The following RAB3B variants were observed in gnomAD, a reference collection of about 807,000 sequenced individuals.
RAB3B encodes the protein RAB3B, member RAS oncogene family.
Under a neutral mutation model 20.5 loss-of-function variants are expected in RAB3B, and 11 were observed. The observed-to-expected ratio is 0.54, with a 90% confidence interval of 0.34 to 0.89. The LOEUF (loss-of-function observed/expected upper bound fraction) is 0.89, where lower values mean the gene tolerates loss of function less well. Ranked by LOEUF, RAB3B falls within the 40% of genes least tolerant of loss-of-function variation. RAB3B has a pLI of 0.02. For synonymous variants in RAB3B, 99 were observed against 106.3 expected, an observed-to-expected ratio of 0.93 and a Z score of 0.42; for missense variants, 225 against 280.9, an observed-to-expected ratio of 0.80 and a Z score of 1.42.
intron 1 of RAB3B, among the ~76,000 whole-genome samples, chr1:51,987,845 G>A (rs1440029994): frequency 6.6e-6 from 1 of 152,016 alleles, no homozygotes; most frequent in African/African-American, 2.4e-5. Flanking sequence ...TGAATATACA[G>A]ACTTCACCTC....
In RAB3B at chr1:51,920,089, T is replaced by C; in HGVS notation, c.498A>G (p.Ala166=). ...CCTGCCTTACACTGATGTTCTCCTT[T>C]GCACTGGCTTCAAAGAAATCAAACC... ...QLGFDFFEAS[A]KENISVRQAF... The change falls in exon 5 of 5, where the codon GCA becomes GCG. Residue 166 remains alanine (A), a synonymous_variant. Transcript: ENST00000371655. The C allele has an allele frequency of 6.2e-7, 1 of 1,612,392 alleles. No homozygotes were observed. Among genetic ancestry groups the C allele is most frequent in the Non-Finnish European group, 8.5e-7 (1 of 1,178,870 alleles).
At chr1:51,957,132 A>G (rs1013963791) in intron 2 of RAB3B, among the ~76,000 whole-genome samples, 1 of 152,246 alleles carries the variant, frequency 6.6e-6, no homozygotes, top group African/African-American at 2.4e-5. Context: ...AATCTGTAGC[A>G]GCACAACTGG....
intron 2 of RAB3B, among the ~76,000 whole-genome samples, chr1:51,974,431 C>T (rs1684980629): frequency 1.3e-5 from 2 of 152,190 alleles, no homozygotes; most frequent in African/African-American, 2.4e-5. Flanking sequence ...TGAAAATTTG[C>T]ATTTCTAACA....
intron 1 of RAB3B, among the ~76,000 whole-genome samples, chr1:51,983,636 AT>A (rs1483094180): frequency 6.6e-6 from 1 of 152,128 alleles, no homozygotes; most frequent in Non-Finnish European, 1.5e-5. Context: ...TACTACAAAA[AT>A]TTAGTAGTAC....
intron 2 of RAB3B, among the ~76,000 whole-genome samples, chr1:51,960,928 G>T (rs1684776374): frequency 6.6e-6 from 1 of 152,166 alleles, no homozygotes; most frequent in Non-Finnish European, 1.5e-5. Context: ...CACCTAATAT[G>T]TTACAGGCTC....
chr1:51,924,929 T>G (rs777582923), intron 4 of RAB3B, among the ~76,000 whole-genome samples: 2 of 152,174 alleles, frequency 1.3e-5, no homozygotes, highest in Non-Finnish European at 2.9e-5. Context: ...TTTCTTCTCC[T>G]AATTGGCTTC....
intron 1 of RAB3B, among the ~76,000 whole-genome samples, chr1:51,987,158 G>T (rs921759807): frequency 1.3e-5 from 2 of 152,198 alleles, no homozygotes; most frequent in Admixed American, 6.5e-5. Context: ...ACCTAAGGAA[G>T]AAGCCAACTT....
rs1053417548 is a variant in RAB3B at position 51,919,740 on chromosome 1, A to C, written c.*187T>G. On this transcript the variant is annotated 3_prime_UTR_variant, in exon 5 of 5. Coordinates refer to ENST00000371655, the MANE Select transcript of RAB3B (RefSeq NM_002867.4). Reference sequence around the variant, plus strand: ...GACCTGTTATGTTAGTCTAGTGCTGAGTATCTATTACTGGGACCATCTGCA... The same window carrying C: ...GACCTGTTATGTTAGTCTAGTGCTGCGTATCTATTACTGGGACCATCTGCA... 1.3e-5 allele frequency: 7 copies of C among 544,048 alleles called. No individual in the cohort carries two copies. Among genetic ancestry groups the C allele is most frequent in the South Asian group, 6.0e-5 (2 of 33,174 alleles). The allele number at this position is 544,048 out of a possible 1,614,324, so 33.7% of individuals were successfully genotyped here. A position where few individuals can be genotyped will look rare whatever the true frequency, so the allele number is the denominator to read the frequency against.
chr1:51,928,209 C>A (rs1020866953), intron 4 of RAB3B, among the ~76,000 whole-genome samples: 1 of 152,144 alleles, frequency 6.6e-6, no homozygotes, highest in Non-Finnish European at 1.5e-5. Flanking sequence ...CCGGTTCAGG[C>A]GATTCTCCTG....
At chr1:51,964,008 A>G (rs373466202) in intron 2 of RAB3B, among the ~76,000 whole-genome samples, 54 of 152,256 alleles carry the variant, frequency 3.5e-4, no homozygotes, top group African/African-American at 1.2e-3. Flanking sequence ...TAAAAAAACA[A>G]AAACCTCTTC....
At chr1:51,932,680 A>C (rs1684343214) in intron 4 of RAB3B, among the ~76,000 whole-genome samples, 1 of 152,246 alleles carries the variant, frequency 6.6e-6, no homozygotes, top group African/African-American at 2.4e-5. Context: ...ATAAATACTC[A>C]GTGCTGGAAG....
Position 51,913,553 on chromosome 1 carries a change from C to A in RAB3B, c.*6374G>T, listed in dbSNP as rs1040090662. The A allele has an allele frequency of 6.6e-6, 1 of 151,720 alleles. No homozygotes were observed. Among genetic ancestry groups the A allele is most frequent in the Non-Finnish European group, 1.5e-5 (1 of 67,968 alleles). The allele number at this position is 151,720 out of a possible 1,614,324, so 9.4% of individuals were successfully genotyped here. Reference sequence around the variant, plus strand: ...GTGGTGCGATTTAGGCTCATTGCAACCTCCTCCTCCTGGGTTCAAGCAATT... The same window carrying A: ...GTGGTGCGATTTAGGCTCATTGCAAACTCCTCCTCCTGGGTTCAAGCAATT... On this transcript the variant is annotated 3_prime_UTR_variant, in exon 5 of 5. Coordinates refer to ENST00000371655, the MANE Select transcript of RAB3B (RefSeq NM_002867.4).
chr1:51,935,541 C>T (rs1158157799), intron 3 of RAB3B, among the ~76,000 whole-genome samples: 2 of 152,184 alleles, frequency 1.3e-5, no homozygotes, highest in Admixed American at 6.5e-5. Context: ...CCTTCTCCCA[C>T]CCCATTTCCT....
At chr1:51,951,372 T>C (rs780891391) in intron 2 of RAB3B, among the ~76,000 whole-genome samples, 2 of 152,118 alleles carry the variant, frequency 1.3e-5, no homozygotes, top group South Asian at 2.1e-4. Flanking sequence ...CTTTTACAGA[T>C]AGAAAAACTG....
intron 2 of RAB3B, among the ~76,000 whole-genome samples, chr1:51,938,610 A>C (rs1222558052): frequency 6.6e-6 from 1 of 152,196 alleles, no homozygotes; most frequent in Non-Finnish European, 1.5e-5. Context: ...AAACACATCA[A>C]AAGGTTAATA....
Position 51,933,311 on chromosome 1 carries a change from T to C in RAB3B, c.472+7A>G, listed in dbSNP as rs1006411157. ...CACACATGCACATACATGTGTCATG[T>C]ACATACCAAGCTGCTCTGCAAGGAG... On this transcript the variant is annotated splice_region_variant and intron_variant, in intron 4 of 4. Transcript: ENST00000371655. 14 of 1,613,538 alleles carry C rather than the reference T, an allele frequency of 8.7e-6. No individual in the cohort carries two copies. The East Asian group carries it at 2.7e-4, about 31-fold the overall frequency.
At chr1:51,955,461 G>A (rs1298602571) in intron 2 of RAB3B, among the ~76,000 whole-genome samples, 1 of 151,888 alleles carries the variant, frequency 6.6e-6, no homozygotes. Context: ...GCGCAATCTT[G>A]GCTCACTGCA....
chr1:51,983,824 G>A (rs1213761171), intron 1 of RAB3B, among the ~76,000 whole-genome samples: 3 of 151,920 alleles, frequency 2.0e-5, no homozygotes, highest in African/African-American at 7.3e-5. Flanking sequence ...GCCAGGTGTG[G>A]TGGCGCACAC....
intron 4 of RAB3B, among the ~76,000 whole-genome samples, chr1:51,922,522 A>G (rs1684185953): frequency 6.6e-6 from 1 of 152,112 alleles, no homozygotes; most frequent in Non-Finnish European, 1.5e-5. Flanking sequence ...ATGAAAGTAT[A>G]TGACATGATT....
Sources: gnomAD v4.1 joint callset for allele counts (sites outside exome capture counted in the v4.1 genomes callset) on GRCh38, gnomAD v4.1.1 for gene constraint, MANE v1.5 for transcripts, NCBI Gene and HGNC (gene_info 2026-07-23, HGNC 2026-07-21) for gene names.